The following ZSWIM5 variants were observed in gnomAD, a reference collection of about 807,000 sequenced individuals.
ZSWIM5 encodes the protein zinc finger SWIM-type containing 5.
In ZSWIM5, 55 loss-of-function variants were observed where a neutral mutation model predicts 119.6. The ratio of observed to expected loss-of-function variants is 0.46; its 90% confidence interval spans 0.37 to 0.58. The LOEUF is 0.58. Among genes scored for constraint, ZSWIM5 ranks in the 20% least tolerant of loss-of-function variants. The pLI is 0.00. For missense variants in ZSWIM5, 1,193 were observed against 1,512.8 expected (o/e 0.79, Z 3.51); for synonymous variants, 537 against 606.9 (o/e 0.88, Z 1.69).
At chr1:45,180,428 G>A (rs1271772065) in intron 1 of ZSWIM5, among the ~76,000 whole-genome samples, 1 of 152,170 alleles carries the variant, frequency 6.6e-6, no homozygotes, top group Non-Finnish European at 1.5e-5. Context: ...AAGCAGCCGG[G>A]AAGCTCCAAC....
chr1:45,040,330 T>A, intron 7 of ZSWIM5, 62 bp downstream of exon 7: 2 of 1,458,030 alleles, frequency 1.4e-6, no homozygotes, highest in South Asian at 3.1e-5. Flanking sequence ...GGGCCTTGTA[T>A]CCCCTGAGGA....
intron 2 of ZSWIM5, among the ~76,000 whole-genome samples, chr1:45,082,813 G>A (rs1014005216): frequency 6.6e-6 from 1 of 152,192 alleles, no homozygotes; most frequent in Non-Finnish European, 1.5e-5. Context: ...AGGAATGTAG[G>A]TTTCTTCAGC....
At chr1:45,185,787 T>G (rs912550124) in intron 1 of ZSWIM5, among the ~76,000 whole-genome samples, 3 of 152,150 alleles carry the variant, frequency 2.0e-5, no homozygotes, top group Non-Finnish European at 4.4e-5. Context: ...ATAGGAACAC[T>G]TTTACACTGT....
Position 45,018,620 on chromosome 1 carries a change from C to T in ZSWIM5, c.3392G>A (p.Ser1131Asn), listed in dbSNP as rs767539501. ...AATGAACTCTCCATAGTGGCGAGGG[C>T]TGATGTGTGTTAGGCGTGAGTGTGT... ...NTTHSRLTHI[S>N]PRHYGEFIEF... is the part of the protein sequence containing the mutation. Residue 1131 changes from serine to asparagine, a missense_variant, in exon 14 of 14, where the codon AGC (serine) becomes AAC (asparagine). Around this residue, in one of 2 missense-constraint regions of ZSWIM5, gnomAD observed 961 missense variants for 1,290.0 expected, o/e 0.74. Coordinates refer to ENST00000359600, the MANE Select transcript of ZSWIM5 (RefSeq NM_020883.2). This position sits in a 1 kb window ranked among gnomAD's most constrained non-coding sequence, Gnocchi z 6.7. 2.4e-5 allele frequency: 39 copies of T among 1,614,074 alleles called. No homozygotes were observed. The highest frequency in any genetic ancestry group is 3.2e-5 in the Non-Finnish European group (38 of 1,180,042).
intron 1 of ZSWIM5, among the ~76,000 whole-genome samples, chr1:45,130,028 G>T (rs1034815839): frequency 5.9e-5 from 9 of 152,128 alleles, no homozygotes; most frequent in Non-Finnish European, 2.9e-5. Flanking sequence ...CTCCTGAGTA[G>T]CTGGAATTAC....
chr1:45,062,095 C>T (rs1159342908), intron 2 of ZSWIM5, among the ~76,000 whole-genome samples: 4 of 152,054 alleles, frequency 2.6e-5, no homozygotes, highest in Non-Finnish European at 2.9e-5. Context: ...GTCTCAAAAA[C>T]AACAAAAATG....
chr1:45,124,822 G>A (rs866913008), intron 1 of ZSWIM5, among the ~76,000 whole-genome samples: 2 of 152,248 alleles, frequency 1.3e-5, no homozygotes, highest in Middle Eastern at 3.4e-3. Context: ...TTACCAGAGG[G>A]ACTTTAGAGC....
chr1:45,097,401 G>A (rs1557764657), intron 1 of ZSWIM5, among the ~76,000 whole-genome samples: 1 of 152,176 alleles, frequency 6.6e-6, no homozygotes, highest in African/African-American at 2.4e-5. Context: ...TGCCCCAACT[G>A]TTGAAATGAA....
intron 1 of ZSWIM5, among the ~76,000 whole-genome samples, chr1:45,181,523 C>CAGG (rs528510609): frequency 0.17 from 25,641 of 151,522 alleles, 2,379 homozygotes; most frequent in African/African-American, 0.23. Flanking sequence ...GGATATTATC[C>CAGG]AGAACTTCCC....
chr1:45,044,746 A>T (rs867903822), intron 5 of ZSWIM5, among the ~76,000 whole-genome samples: 75 of 1,640 alleles, frequency 0.046, 21 homozygotes, highest in South Asian at 0.18. Flanking sequence ...AAAAAAAAAA[A>T]ATATATATAT....
chr1:45,188,000 T>C (rs1044414889), intron 1 of ZSWIM5, among the ~76,000 whole-genome samples: 4 of 152,180 alleles, frequency 2.6e-5, no homozygotes, highest in African/African-American at 9.7e-5. Context: ...ACATTGATAG[T>C]AGAATTATAA....
intron 11 of ZSWIM5, among the ~76,000 whole-genome samples, chr1:45,022,193 C>T (rs1255764390): frequency 6.7e-5 from 10 of 150,242 alleles, no homozygotes; most frequent in Admixed American, 1.3e-4. Flanking sequence ...TGCAGTGGCG[C>T]GATCTTGGCT....
intron 1 of ZSWIM5, among the ~76,000 whole-genome samples, chr1:45,149,176 G>A (rs1350225726): frequency 1.3e-5 from 2 of 152,050 alleles, no homozygotes; most frequent in Non-Finnish European, 2.9e-5. Context: ...AAGCAGGAGG[G>A]CTGCTTGAGT....
chr1:45,068,437 G>A (rs1000455012), intron 2 of ZSWIM5, among the ~76,000 whole-genome samples: 6 of 151,384 alleles, frequency 4.0e-5, no homozygotes, highest in African/African-American at 4.9e-5. Context: ...TTTAATGTAC[G>A]GTGAGCTGAA....
At chr1:45,197,843 T>C (rs202154332) in intron 1 of ZSWIM5, among the ~76,000 whole-genome samples, 4 of 152,270 alleles carry the variant, frequency 2.6e-5, no homozygotes, top group East Asian at 1.9e-4. Flanking sequence ...ACTGCTAAAA[T>C]TGAAGCAAGA....
chr1:45,162,640 C>A (rs144650598), intron 1 of ZSWIM5, among the ~76,000 whole-genome samples: 1 of 152,340 alleles, frequency 6.6e-6, no homozygotes, highest in South Asian at 2.1e-4. Flanking sequence ...GCTTTTCCAA[C>A]GATCTTAGCA....
In ZSWIM5 at chr1:45,202,536, A is replaced by T. The variant is rs546826930; in HGVS notation, c.595+3220T>A. Among the ~76,000 whole-genome samples the T allele has an allele frequency of 2.6e-5, 4 of 152,190 alleles. No homozygotes were observed. In the South Asian group the frequency reaches 8.3e-4, roughly 32 times the overall value. On this transcript the variant is annotated intron_variant, in intron 1 of 13. Transcript: ENST00000359600. ...GACTTCAAGAACAAATCATGTACTT[A>T]TTAAAAAATGTGTAGACTAAAACTA...
chr1:45,020,299 G>T, intron 12 of ZSWIM5, 152 bp from the exon 13 acceptor site: 1 of 697,540 alleles, frequency 1.4e-6, no homozygotes, highest in Non-Finnish European at 2.5e-6. Flanking sequence ...TTCTTTCCCA[G>T]CCCTCCCACC....
chr1:45,145,163 C>T (rs916616704), intron 1 of ZSWIM5, among the ~76,000 whole-genome samples: 1 of 151,850 alleles, frequency 6.6e-6, no homozygotes, highest in African/African-American at 2.4e-5. Context: ...ATTGACAATA[C>T]CAAGTGCTGA....
Sources: allele counts gnomAD v4.1 joint callset (sites outside exome capture counted in the v4.1 genomes callset), GRCh38; gene constraint gnomAD v4.1.1; regional missense constraint gnomAD v4.1.1; non-coding constraint Gnocchi (gnomAD v3.1); transcripts MANE v1.5; gene names NCBI Gene and HGNC (gene_info 2026-07-23, HGNC 2026-07-21).